The following CDH8 variants were observed in gnomAD, a reference collection of about 807,000 sequenced individuals.
CDH8 encodes the protein cadherin 8.
A neutral mutation model predicts 68.1 loss-of-function variants in CDH8; 17 were observed. The ratio of observed to expected loss-of-function variants is 0.25; its 90% confidence interval spans 0.17 to 0.37. The LOEUF is 0.37. Among genes scored for constraint, CDH8 ranks in the 10% least tolerant of loss-of-function variants. The pLI, the probability that CDH8 is intolerant of heterozygous loss-of-function variation, is 1.00. For synonymous variants in CDH8, 372 were observed against 365.1 expected (o/e 1.02, Z -0.21); for missense variants, 763 against 999.3 (o/e 0.76, Z 3.19).
chr16:61,836,416 A>C (rs537194372), intron 4 of CDH8, among the ~76,000 whole-genome samples: 2 of 152,188 alleles, frequency 1.3e-5, no homozygotes, highest in South Asian at 4.1e-4. Flanking sequence ...TATTAAAGAT[A>C]AACGCATGAT....
At chr16:61,705,469 A>G (rs1964509832) in intron 10 of CDH8, among the ~76,000 whole-genome samples, 1 of 152,198 alleles carries the variant, frequency 6.6e-6, no homozygotes, top group African/African-American at 2.4e-5. Context: ...AGTGATGTCT[A>G]CGGATCACTG....
chr16:61,832,641 G>T (rs913603659), intron 4 of CDH8, among the ~76,000 whole-genome samples: 1 of 151,534 alleles, frequency 6.6e-6, no homozygotes, highest in African/African-American at 2.4e-5. Context: ...CATATTTTTA[G>T]TTTTAGATGT....
chr16:62,002,911 G>T (rs1159660463), intron 2 of CDH8, among the ~76,000 whole-genome samples: 1 of 152,126 alleles, frequency 6.6e-6, no homozygotes, highest in Non-Finnish European at 1.5e-5. Flanking sequence ...AAATTAGCTG[G>T]GCGTGGCGGC....
intron 10 of CDH8, among the ~76,000 whole-genome samples, chr16:61,674,570 C>T (rs962156849): frequency 6.6e-6 from 1 of 151,540 alleles, no homozygotes; most frequent in African/African-American, 2.4e-5. Context: ...TTACCGTTAA[C>T]AGCTGTGGTG....
chr16:61,769,299 T>C (rs555715470), intron 8 of CDH8, among the ~76,000 whole-genome samples: 22 of 151,984 alleles, frequency 1.4e-4, no homozygotes, highest in African/African-American at 5.1e-4. Context: ...TCTCCCCCAA[T>C]ATGTTTCAAT....
At chr16:61,656,424 T>G (rs920939748) in intron 10 of CDH8, among the ~76,000 whole-genome samples, 3 of 152,202 alleles carry the variant, frequency 2.0e-5, no homozygotes, top group Admixed American at 1.3e-4. Context: ...TCATCATATT[T>G]GAAACACATG....
At chr16:61,824,397 A>G (rs1962284223) in intron 5 of CDH8, among the ~76,000 whole-genome samples, 2 of 151,876 alleles carry the variant, frequency 1.3e-5, no homozygotes, top group African/African-American at 4.8e-5. Flanking sequence ...TGTCTCTGTC[A>G]TATTACTTGA....
chr16:61,902,576 C>CA (rs74868190), intron 2 of CDH8, among the ~76,000 whole-genome samples: 17,906 of 92,864 alleles, frequency 0.19, 1,272 homozygotes, highest in Middle Eastern at 0.31. Flanking sequence ...ATATTTGTTC[C>CA]AAAAAAAAAA....
At position 61,890,142 on chromosome 16, in the gene CDH8, G is replaced by A. The variant is rs1172824116; in HGVS notation, c.547+11037C>T. ...GCAGTTTTTAGAGAGGAAAACCAAT[G>A]TATTTAGAAATAGCAAGAGCCAAGA... On this transcript the variant is annotated intron_variant, in intron 3 of 11. Coordinates refer to ENST00000577390, the MANE Select transcript of CDH8 (RefSeq NM_001796.5). Among the ~76,000 whole-genome samples, 3 of 152,146 alleles carry A rather than the reference G, an allele frequency of 2.0e-5. No individual in the cohort carries two copies. In the East Asian group the frequency reaches 5.8e-4, roughly 29 times the overall value.
intron 10 of CDH8, among the ~76,000 whole-genome samples, chr16:61,698,798 T>C (rs1187241127): frequency 6.6e-6 from 1 of 152,196 alleles, no homozygotes; most frequent in Non-Finnish European, 1.5e-5. Context: ...TATCTTTCTT[T>C]GGTTTTTTTC....
intron 3 of CDH8, among the ~76,000 whole-genome samples, chr16:61,895,051 C>T (rs576077571): frequency 7.2e-5 from 11 of 152,128 alleles, no homozygotes; most frequent in African/African-American, 1.4e-4. Flanking sequence ...TGAATTTCTA[C>T]GTGATGTATA....
intron 9 of CDH8, among the ~76,000 whole-genome samples, chr16:61,721,999 C>T (rs925555976): frequency 6.6e-6 from 1 of 150,722 alleles, no homozygotes; most frequent in Non-Finnish European, 1.5e-5. Context: ...ATCTCCATAG[C>T]CACCACCTTA....
chr16:61,769,282 GC>G (rs1164181611), intron 8 of CDH8, among the ~76,000 whole-genome samples: 1 of 151,772 alleles, frequency 6.6e-6, no homozygotes, highest in African/African-American at 2.4e-5. Flanking sequence ...AAAGTCTGTT[GC>G]CCCATTCTCC....
rs911242272 is a variant in CDH8, at chr16:61,817,373, T to C, written c.1277+106A>G. ...TGCCAACCAACATTATTTGGTCATGTGAGCATAGTCCCAAGGAGAGCCCCA... is the reference window on the plus strand; with the variant it reads ...TGCCAACCAACATTATTTGGTCATGCGAGCATAGTCCCAAGGAGAGCCCCA... On this transcript the variant is annotated intron_variant, in intron 7 of 11. Coordinates refer to ENST00000577390, the MANE Select transcript of CDH8 (RefSeq NM_001796.5). The C allele has an allele frequency of 3.1e-5, 34 of 1,090,592 alleles. No homozygotes were observed. In the South Asian group the frequency reaches 4.0e-4, roughly 13 times the overall value. 67.6% of individuals were successfully genotyped at this position (1,090,592 alleles called of 1,614,324 possible). A position where few individuals can be genotyped will look rare whatever the true frequency, so the allele number is the denominator to read the frequency against.
chr16:61,714,474 C>T (rs921348121), intron 9 of CDH8, among the ~76,000 whole-genome samples: 1 of 151,508 alleles, frequency 6.6e-6, no homozygotes, highest in Non-Finnish European at 1.5e-5. Context: ...CTGTTCCCTC[C>T]CAATAATTAA....
At chr16:62,015,462 C>G (rs1208145466) in intron 2 of CDH8, among the ~76,000 whole-genome samples, 1 of 152,006 alleles carries the variant, frequency 6.6e-6, no homozygotes, top group African/African-American at 2.4e-5. Context: ...TATATAATAT[C>G]TTAATCCCAT....
intron 4 of CDH8, among the ~76,000 whole-genome samples, chr16:61,856,317 A>C (rs1366991517): frequency 6.6e-6 from 1 of 152,200 alleles, no homozygotes; most frequent in Admixed American, 6.6e-5. Context: ...TCTTAATAAT[A>C]GTTTTTAAAT....
At chr16:61,777,049 T>C (rs2142991403) in intron 8 of CDH8, among the ~76,000 whole-genome samples, 1 of 152,084 alleles carries the variant, frequency 6.6e-6, no homozygotes, top group East Asian at 1.9e-4. Context: ...CATGGATAAA[T>C]GAAAAAGCAA....
rs2142734869 is a variant in CDH8 at position 61,653,691 on chromosome 16, A to G, written c.2317T>C (p.Phe773Leu). The G allele has an allele frequency of 6.2e-7, 1 of 1,614,150 alleles. No homozygotes were observed. Among genetic ancestry groups the G allele is most frequent in the Admixed American group, 1.7e-5 (1 of 60,022 alleles). The change falls in exon 12 of 12, where the codon TTT becomes CTT. Residue 773 changes from phenylalanine (F) to leucine (L), a missense_variant. Transcript: ENST00000577390. ...GGACCCCAGTCACTGAGGTAGTCAA[A>G]ATTCTGGTCTGAGTCTGATGTGGTG... The part of the protein sequence containing the change: ...ESTTSDSDQN[F>L]DYLSDWGPRF...
Sources: allele counts gnomAD v4.1 joint callset (sites outside exome capture counted in the v4.1 genomes callset), GRCh38; gene constraint gnomAD v4.1.1; transcripts MANE v1.5; gene names NCBI Gene and HGNC (gene_info 2026-07-23, HGNC 2026-07-21).